The following SMPD3 variants were observed in gnomAD, a reference collection of about 807,000 sequenced individuals.
SMPD3 encodes nSMase-2.
In SMPD3, 21 loss-of-function variants were observed where a neutral mutation model predicts 55.7. The ratio of observed to expected loss-of-function variants is 0.38; its 90% CI spans 0.27 to 0.54. The LOEUF is 0.54. SMPD3 is among the 20% of genes least tolerant of loss of function. The pLI, the probability that SMPD3 is intolerant of heterozygous loss-of-function variation, is 0.80. For synonymous variants in SMPD3, 457 were observed against 404.3 expected (o/e 1.13, Z -1.56); for missense variants, 842 against 899.6 (o/e 0.94, Z 0.82).
At chr16:68,384,191 TGC>T (rs2090006696) in intron 2 of SMPD3, among the ~76,000 whole-genome samples, 1 of 152,230 alleles carries the variant, frequency 6.6e-6, no homozygotes, top group South Asian at 2.1e-4. Flanking sequence ...TCCCCCACTG[TGC>T]CCTTCCAGGC....
intron 5 of SMPD3, 115 bp from the exon 6 acceptor site, chr16:68,363,981 G>C: frequency 1.1e-6 from 1 of 940,372 alleles, no homozygotes; most frequent in Admixed American, 2.4e-5. Context: ...CCATCCCTTA[G>C]GCCACTGCCC....
At position 68,371,198 on chromosome 16, in the gene SMPD3, C is replaced by T. The variant is rs139694719; in HGVS notation, c.984G>A (p.Ser328=). The change falls in exon 3 of 9, where the codon TCG becomes TCA. Residue 328 remains serine (S), a synonymous_variant. Coordinates refer to ENST00000219334, the MANE Select transcript of SMPD3 (RefSeq NM_018667.4). ...TGCGTGCAGCCGCCTTCTTCACCAC[C>T]GAGGCCTTGTACAGGAGCTTGCTGT... The part of the protein sequence containing the change: ...GANSKLLYKA[S]VVKKAAARRR... 3.8e-4 allele frequency: 620 copies of T among 1,611,740 alleles called. No homozygotes were observed. Among genetic ancestry groups the T allele is most frequent in the Non-Finnish European group, 4.7e-4 (553 of 1,179,490 alleles).
intron 1 of SMPD3, among the ~76,000 whole-genome samples, chr16:68,397,120 G>C (rs1229906355): frequency 6.6e-6 from 1 of 152,164 alleles, no homozygotes; most frequent in Non-Finnish European, 1.5e-5. Flanking sequence ...CACAGATTCT[G>C]TGAGCAAGAC....
Position 68,425,278 on chromosome 16 carries a change from A to G in SMPD3, c.-269+23075T>C, listed in dbSNP as rs377702302. ...ACTTCATGGATGTCTCTGGAGGTGC[A>G]CCGAAGTCAAGGCTGGAACTGGTGA... On this transcript the variant is annotated intron_variant, in intron 1 of 8. Coordinates refer to ENST00000219334, the MANE Select transcript of SMPD3 (RefSeq NM_018667.4). 1.7e-4 allele frequency among the ~76,000 whole-genome samples: 26 copies of G among 152,344 alleles called. No homozygotes were observed. In the East Asian group the frequency reaches 3.7e-3, roughly 21 times the overall value.
At chr16:68,401,666 A>G (rs919852096) in intron 1 of SMPD3, among the ~76,000 whole-genome samples, 1 of 152,110 alleles carries the variant, frequency 6.6e-6, no homozygotes, top group African/African-American at 2.4e-5. Context: ...CAATCTTCTT[A>G]TTGCAAGGGG....
chr16:68,390,879 C>T (rs2090105439), intron 1 of SMPD3, among the ~76,000 whole-genome samples: 1 of 151,974 alleles, frequency 6.6e-6, no homozygotes, highest in African/African-American at 2.4e-5. Flanking sequence ...CAGAAGTATC[C>T]CAGAGTAGCT....
At chr16:68,443,024 G>A in intron 1 of SMPD3, among the ~76,000 whole-genome samples, 1 of 152,180 alleles carries the variant, frequency 6.6e-6, no homozygotes. Context: ...TCTGAGTGTT[G>A]TACAGACTGA....
Position 68,422,330 on chromosome 16 carries a change from G to A in SMPD3, c.-269+26023C>T, listed in dbSNP as rs57202449. ...TTCTGCAGAGGCCCTCATGGAATCT[G>A]AATTAACCTCTTCCCTTGCCCAGAA... On this transcript the variant is annotated intron_variant, in intron 1 of 8. Transcript: ENST00000219334. 6.6e-3 allele frequency among the ~76,000 whole-genome samples: 999 copies of A among 152,274 alleles called. 10 individuals carry two copies. Among genetic ancestry groups the A allele is most frequent in the African/African-American group, 0.022 (919 of 41,556 alleles).
At chr16:68,383,940 C>T (rs1019664575) in intron 2 of SMPD3, among the ~76,000 whole-genome samples, 1 of 152,218 alleles carries the variant, frequency 6.6e-6, no homozygotes, top group South Asian at 2.1e-4. Context: ...GCCTCGCCCT[C>T]TCCAACCTAG....
chr16:68,397,645 A>G (rs2090169901), intron 1 of SMPD3, among the ~76,000 whole-genome samples: 1 of 152,138 alleles, frequency 6.6e-6, no homozygotes, highest in South Asian at 2.1e-4. Context: ...ACTTCTTGCC[A>G]ATCCTGTCCT....
At chr16:68,435,919 G>C (rs978272165) in intron 1 of SMPD3, among the ~76,000 whole-genome samples, 4 of 152,152 alleles carry the variant, frequency 2.6e-5, no homozygotes, top group Non-Finnish European at 5.9e-5. Context: ...CTACACCAAA[G>C]TCTGCACCCC....
chr16:68,372,487 GGT>G (rs891918013), intron 2 of SMPD3, 100 bp from the exon 3 acceptor site: 1 of 460,580 alleles, frequency 2.2e-6, no homozygotes, highest in African/African-American at 2.0e-5. Context: ...TGCTTCCCCT[GGT>G]GTGAGTGGGA....
At chr16:68,383,086 G>A (rs111884898) in intron 2 of SMPD3, among the ~76,000 whole-genome samples, 11 of 152,262 alleles carry the variant, frequency 7.2e-5, no homozygotes, top group Admixed American at 3.3e-4. Context: ...TGATCCACCC[G>A]CCTCAGCCTC....
chr16:68,393,033 T>C (rs1473570891), intron 1 of SMPD3, among the ~76,000 whole-genome samples: 1 of 152,112 alleles, frequency 6.6e-6, no homozygotes, highest in Non-Finnish European at 1.5e-5. Context: ...AGCCACCCAG[T>C]CTATGGTATT....
chr16:68,372,169 T>C lies in SMPD3; in HGVS notation c.13A>G (p.Thr5Ala). The change falls in exon 3 of 9, where the codon ACG becomes GCG. Residue 5 changes from threonine (T) to alanine (A), a missense_variant. Physicochemically the swap from Thr to Ala is moderately conservative, Grantham distance 58. Around this residue, in one of 2 missense-constraint regions of SMPD3, gnomAD observed 193 missense variants for 256.0 expected, o/e 0.75. Transcript: ENST00000219334. Reference sequence around the variant, plus strand: ...AGACAGCTGTTAGGAAAGGGGGTCGTGTACAAAACCATCGCAGCTCACTGG... The same window carrying C: ...AGACAGCTGTTAGGAAAGGGGGTCGCGTACAAAACCATCGCAGCTCACTGG... MVLY[T>A]TPFPNSCLSA... 1 of 1,612,150 alleles carries C rather than the reference T, an allele frequency of 6.2e-7. No homozygotes were observed. Among genetic ancestry groups the C allele is most frequent in the Non-Finnish European group, 8.5e-7 (1 of 1,179,424 alleles).
intron 3 of SMPD3, among the ~76,000 whole-genome samples, chr16:68,370,491 A>C (rs2089628338): frequency 2.0e-5 from 3 of 151,362 alleles, no homozygotes; most frequent in East Asian, 1.9e-4. Context: ...CACCATCTCC[A>C]CGGCTACCAC....
At position 68,371,589 on chromosome 16, in the gene SMPD3, C is replaced by T. The variant is rs760498943; in HGVS notation, c.593G>A (p.Arg198Gln). Reference protein sequence around the residue: ...VSPQGGDGVARAVPGSIKRTA... With the variant: ...VSPQGGDGVAQAVPGSIKRTA... ...CCTCTTAATGCTCCCGGGGACGGCC[C>T]GGGCCACCCCATCGCCGCCCTGTGG... The change falls in exon 3 of 9, where the codon CGG becomes CAG. Residue 198 changes from arginine (R) to glutamine (Q), a missense_variant. By Grantham distance (43) the Arg-to-Gln change is conservative. Transcript: ENST00000219334. 40 of 1,574,970 alleles carry T rather than the reference C, an allele frequency of 2.5e-5. No individual in the cohort carries two copies. In the East Asian group the frequency reaches 4.3e-4, roughly 17 times the overall value.
intron 1 of SMPD3, among the ~76,000 whole-genome samples, chr16:68,407,547 CTGATCTCAAACT>C (rs1345972867): frequency 1.3e-5 from 2 of 152,080 alleles, no homozygotes; most frequent in Non-Finnish European, 2.9e-5. Flanking sequence ...GTTGGCCAAG[CTGATCTCAAACT>C]TCAAGCCTCA....
chr16:68,416,396 C>T (rs1407110925), intron 1 of SMPD3, among the ~76,000 whole-genome samples: 1 of 152,188 alleles, frequency 6.6e-6, no homozygotes, highest in African/African-American at 2.4e-5. Flanking sequence ...ACTTCCCGTC[C>T]CACTCTTCCC....
Sources: gnomAD v4.1 joint callset for allele counts (sites outside exome capture counted in the v4.1 genomes callset) on GRCh38, gnomAD v4.1.1 for gene constraint, gnomAD v4.1.1 regional missense constraint, MANE v1.5 for transcripts, NCBI Gene and HGNC (gene_info 2026-07-23, HGNC 2026-07-21) for gene names.